TYW5: variants seen among roughly 807,000 people sequenced by gnomAD.
The protein encoded by TYW5 is tRNA wybutosine-synthesizing protein 5.
Under a neutral mutation model 44.4 loss-of-function variants are expected in TYW5, and 36 were observed. The observed-to-expected ratio is 0.81, with a 90% CI of 0.62 to 1.07. TYW5 has a LOEUF of 1.07. Among genes scored for constraint, TYW5 ranks in the 50% least tolerant of loss-of-function variants. The probability of loss-of-function intolerance (pLI) is 0.00; values close to 1 mark genes in which losing one functional copy is unlikely to be tolerated. For synonymous variants in TYW5, 121 were observed against 128.1 expected, an observed-to-expected ratio of 0.94 and a Z score of 0.37; for missense variants, 354 against 365.7, an observed-to-expected ratio of 0.97 and a Z score of 0.26.
At chr2:199,948,521 C>A in intron 1 of TYW5, 49 bp from the exon 2 acceptor site, 1 of 1,596,702 alleles carries the variant, frequency 6.3e-7, no homozygotes, top group Non-Finnish European at 8.6e-7. Context: ...ACCAACAACA[C>A]ATCAAGAGCT....
intron 7 of TYW5, among the ~76,000 whole-genome samples, chr2:199,935,216 AAAT>A (rs1344596758): frequency 5.3e-5 from 8 of 152,248 alleles, no homozygotes; most frequent in South Asian, 2.1e-4. Flanking sequence ...CCCACTTTGA[AAAT>A]AATAATAAAT....
intron 2 of TYW5, chr2:199,946,395 G>A (rs1422029046): frequency 3.9e-5 from 6 of 152,176 alleles, no homozygotes; most frequent in African/African-American, 1.2e-4. Flanking sequence ...GAACTGATGA[G>A]AGTACAATAA....
Position 199,930,277 on chromosome 2 carries a change from A to G in TYW5, c.*2790T>C, listed in dbSNP as rs1481082334. The G allele has an allele frequency of 6.6e-6, 1 of 152,164 alleles. No homozygotes were observed. Among genetic ancestry groups the G allele is most frequent in the Admixed American group, 6.5e-5 (1 of 15,272 alleles). 9.4% of individuals were successfully genotyped at this position (152,164 alleles called of 1,614,324 possible). ...GTATTTTGAAAGGATAATGTGAACA[A>G]AAGTCCAAATAATACAAAACTAGAT... On this transcript the variant is annotated 3_prime_UTR_variant, in exon 8 of 8. Transcript: ENST00000354611.
In TYW5 at chr2:199,938,933, A is replaced by C. The variant is rs767115762; in HGVS notation, c.486T>G (p.Asp162Glu). 12 of 1,602,970 alleles carry C rather than the reference A, an allele frequency of 7.5e-6. No individual in the cohort carries two copies. Among genetic ancestry groups the C allele is most frequent in the Non-Finnish European group, 1.0e-5 (12 of 1,177,050 alleles). The change falls in exon 5 of 8, where the codon GAT (aspartate) becomes GAG (glutamate). Residue 162 changes from aspartate (D) to glutamate (E), a missense_variant and splice_region_variant. Coordinates refer to ENST00000354611, the MANE Select transcript of TYW5 (RefSeq NM_001039693.3). ...SPGLQLWTHY[D>E]VMDNLLIQVT... ...TAAATTTCTCATTTATGTAGCATAC[A>C]TCATAATGAGTCCATAGTTGTAATC...
At position 199,929,440 on chromosome 2, in the gene TYW5, G is replaced by A. The variant is rs1355294766; in HGVS notation, c.*3627C>T. On this transcript the variant is annotated 3_prime_UTR_variant, in exon 8 of 8. Transcript: ENST00000354611. Reference sequence around the variant, plus strand: ...CTAAGGTAACACCAGAGATGTGTGGGTGACTGCCAATCTATGTTAGTTCCT... The same window carrying A: ...CTAAGGTAACACCAGAGATGTGTGGATGACTGCCAATCTATGTTAGTTCCT... 6.6e-6 allele frequency among the ~76,000 whole-genome samples: 1 copy of A among 152,034 alleles called. No homozygotes were observed. The highest frequency in any genetic ancestry group is 2.4e-5 in the African/African-American group (1 of 41,424).
chr2:199,934,475 G>A (rs996321406), intron 7 of TYW5, among the ~76,000 whole-genome samples: 12 of 151,708 alleles, frequency 7.9e-5, no homozygotes, highest in Non-Finnish European at 1.6e-4. Flanking sequence ...AGACTAATAC[G>A]TTCGTTGCTT....
chr2:199,954,868 C>T (rs912410677), intron 1 of TYW5, among the ~76,000 whole-genome samples: 2 of 152,142 alleles, frequency 1.3e-5, no homozygotes, highest in Non-Finnish European at 2.9e-5. Flanking sequence ...GTCTGGACTC[C>T]CTTGAAAAGC....
At chr2:199,937,221 TC>T (rs2077427408) in intron 5 of TYW5, among the ~76,000 whole-genome samples, 1 of 152,146 alleles carries the variant, frequency 6.6e-6, no homozygotes, top group Non-Finnish European at 1.5e-5. Flanking sequence ...ACCTAAGCAT[TC>T]TTCCTTTTAG....
At chr2:199,950,635 T>C (rs1329220839) in intron 1 of TYW5, among the ~76,000 whole-genome samples, 2 of 152,008 alleles carry the variant, frequency 1.3e-5, no homozygotes, top group Non-Finnish European at 2.9e-5. Context: ...TGAGTGCATG[T>C]GGGTCTGTGT....
Position 199,943,727 on chromosome 2 carries a change from T to C in TYW5, c.303+38A>G, listed in dbSNP as rs376931764. ...TAAGAAAATCCATTTAGTATATAGA[T>C]ATTAATGCCTTCTTTTAAAAATGTT... On this transcript the variant is annotated intron_variant, in intron 3 of 7. Transcript: ENST00000354611. The C allele has an allele frequency of 4.0e-6, 6 of 1,498,336 alleles. No homozygotes were observed. The African/African-American group carries it at 7.0e-5, about 17-fold the overall frequency. 92.8% of individuals were successfully genotyped at this position (1,498,336 alleles called of 1,614,324 possible).
intron 4 of TYW5, 102 bp downstream of exon 4, chr2:199,939,987 A>G: frequency 9.2e-7 from 1 of 1,083,374 alleles, no homozygotes; most frequent in Non-Finnish European, 1.4e-6. Context: ...AGGATAGAAC[A>G]GGGAATATGT....
intron 1 of TYW5, 108 bp downstream of exon 1, chr2:199,955,285 C>T (rs1485573851): frequency 1.6e-6 from 2 of 1,288,100 alleles, no homozygotes; most frequent in African/African-American, 2.9e-5. Flanking sequence ...CCGTCCTGCG[C>T]CTCTTTCCCA....
chr2:199,954,846 T>C (rs1171314373), intron 1 of TYW5, among the ~76,000 whole-genome samples: 3 of 152,230 alleles, frequency 2.0e-5, no homozygotes, highest in Non-Finnish European at 4.4e-5. Context: ...TTTAATACCT[T>C]GTTTTTCTTA....
At chr2:199,949,885 T>TATC (rs1450351092) in intron 1 of TYW5, among the ~76,000 whole-genome samples, 1 of 152,242 alleles carries the variant, frequency 6.6e-6, no homozygotes, top group Non-Finnish European at 1.5e-5. Context: ...AATCTAGTGG[T>TATC]ATCTAGTGGT....
At chr2:199,951,688 A>C (rs1040438978) in intron 1 of TYW5, among the ~76,000 whole-genome samples, 1 of 152,158 alleles carries the variant, frequency 6.6e-6, no homozygotes, top group Non-Finnish European at 1.5e-5. Context: ...GTAGCTTACC[A>C]TATATTTTCT....
rs1399498365 is a variant in TYW5 at position 199,929,798 on chromosome 2, T to C, written c.*3269A>G. 6.6e-6 allele frequency among the ~76,000 whole-genome samples: 1 copy of C among 151,750 alleles called. No individual in the cohort carries two copies. Among genetic ancestry groups the C allele is most frequent in the Non-Finnish European group, 1.5e-5 (1 of 67,930 alleles). ...TGTATTCAAATACCAAGACAAATAA[T>C]GTTATGAAATGCTAATAATTACACT... On this transcript the variant is annotated 3_prime_UTR_variant, in exon 8 of 8. Coordinates refer to ENST00000354611, the MANE Select transcript of TYW5 (RefSeq NM_001039693.3).
Position 199,932,852 on chromosome 2 carries a change from T to C in TYW5, c.*215A>G. 1 of 534,708 alleles carries C rather than the reference T, an allele frequency of 1.9e-6. No homozygotes were observed. Among genetic ancestry groups the C allele is most frequent in the Admixed American group, 3.7e-5 (1 of 27,164 alleles). The allele number at this position is 534,708 out of a possible 1,614,324, so 33.1% of individuals were successfully genotyped here. The stretch of plus-strand genomic sequence containing the variant: ...TTACTGTTTTTAAGTCATTTTAAGT[T>C]GGACTTTTAGTGGTCAGCATCTGAA... On this transcript the variant is annotated 3_prime_UTR_variant, in exon 8 of 8. Transcript: ENST00000354611.
chr2:199,952,279 G>A (rs1201934994), intron 1 of TYW5, among the ~76,000 whole-genome samples: 1 of 152,126 alleles, frequency 6.6e-6, no homozygotes, highest in Non-Finnish European at 1.5e-5. Context: ...AGTGAACATA[G>A]TTAGATATGC....
chr2:199,930,321 T>C lies in TYW5; in HGVS notation c.*2746A>G, dbSNP rs891725070. On this transcript the variant is annotated 3_prime_UTR_variant, in exon 8 of 8. Coordinates refer to ENST00000354611, the MANE Select transcript of TYW5 (RefSeq NM_001039693.3). ...ACTAGATTCTAAGCAGCCCACCTAG[T>C]TGAACCTCTTCTTGGAGGCATAATT... 1 of 152,196 alleles carries C rather than the reference T, an allele frequency of 6.6e-6. No individual in the cohort carries two copies. Among genetic ancestry groups the C allele is most frequent in the South Asian group, 2.1e-4 (1 of 4,832 alleles). 9.4% of individuals were successfully genotyped at this position (152,196 alleles called of 1,614,324 possible).
Sources: allele counts gnomAD v4.1 joint callset (sites outside exome capture counted in the v4.1 genomes callset), GRCh38; gene constraint gnomAD v4.1.1; transcripts MANE v1.5; gene names NCBI Gene and HGNC (gene_info 2026-07-23, HGNC 2026-07-21).